The following RARA variants were observed in gnomAD, a reference collection of about 807,000 sequenced individuals.
The protein encoded by RARA is retinoic acid receptor alpha.
RARA carries 5 observed loss-of-function variants against 42.8 expected under a neutral mutation model. That is an observed-to-expected ratio of 0.12 (90% CI 0.06 to 0.25). RARA has a LOEUF of 0.25. Among genes scored for constraint, RARA ranks in the 10% least tolerant of loss-of-function variants. The probability of loss-of-function intolerance (pLI) is 1.00; values close to 1 mark genes in which losing one functional copy is unlikely to be tolerated. For synonymous variants in RARA, 256 were observed against 259.5 expected (o/e 0.99, Z 0.13); for missense variants, 402 against 628.7 (o/e 0.64, Z 3.86).
Position 40,331,062 on chromosome 17 carries a change from C to A in RARA, c.-157C>A. 1 of 843,282 alleles carries A rather than the reference C, an allele frequency of 1.2e-6. No individual in the cohort carries two copies. The highest frequency in any genetic ancestry group is 1.8e-6 in the Non-Finnish European group (1 of 562,364). 52.2% of individuals were successfully genotyped at this position (843,282 alleles called of 1,614,324 possible). A position where few individuals can be genotyped will look rare whatever the true frequency, so the allele number is the denominator to read the frequency against. On this transcript the variant is annotated 5_prime_UTR_variant, in exon 2 of 9. The change creates a new upstream start codon in the 5' untranslated region. Transcript: ENST00000254066. ...GGGGCTCCAGGAGACTGAGATTAGCCTGCCCTCTTTGGACAGCAGCTCCAG... is the reference window on the plus strand; with the variant it reads ...GGGGCTCCAGGAGACTGAGATTAGCATGCCCTCTTTGGACAGCAGCTCCAG...
chr17:40,356,802 A>G lies in RARA; in HGVS notation c.*576A>G. ...GAATTTTCATTTTAAGCACATTTAT[A>G]CTGAAGGAATTTGTGCTGTGTATTG... On this transcript the variant is annotated 3_prime_UTR_variant, in exon 9 of 9. Coordinates refer to ENST00000254066, the MANE Select transcript of RARA (RefSeq NM_000964.4). The G allele has an allele frequency of 2.2e-6, 1 of 463,868 alleles. No individual in the cohort carries two copies. The allele number at this position is 463,868 out of a possible 1,614,324, so 28.7% of individuals were successfully genotyped here. A position where few individuals can be genotyped will look rare whatever the true frequency, so the allele number is the denominator to read the frequency against.
At chr17:40,342,883 T>G in intron 2 of RARA, 1 of 1,605,796 alleles carries the variant, frequency 6.2e-7, no homozygotes, top group East Asian at 2.2e-5. Flanking sequence ...TACCGGCCTC[T>G]CAGTCTGCTG....
chr17:40,341,555 C>A, intron 2 of RARA: 1 of 1,399,624 alleles, frequency 7.1e-7, no homozygotes, highest in Non-Finnish European at 9.3e-7. Flanking sequence ...TTCGGCCGGG[C>A]AGGGGGCTGG....
chr17:40,316,163 C>T (rs1281118826), intron 1 of RARA, among the ~76,000 whole-genome samples: 1 of 152,212 alleles, frequency 6.6e-6, no homozygotes, highest in Admixed American at 6.5e-5. Flanking sequence ...GAAGGAAATG[C>T]CCCAAAGATG....
chr17:40,341,160 A>G (rs1218535005), intron 2 of RARA: 1 of 454,236 alleles, frequency 2.2e-6, no homozygotes, highest in Non-Finnish European at 3.7e-6. Flanking sequence ...GTGCATCCCG[A>G]GGGCTTCTAG....
Position 40,351,563 on chromosome 17 carries a change from G to A in RARA, c.470-347G>A. The A allele has an allele frequency of 2.1e-6, 1 of 473,982 alleles. No individual in the cohort carries two copies. The highest frequency in any genetic ancestry group is 4.3e-6 in the Non-Finnish European group (1 of 234,602). The allele number at this position is 473,982 out of a possible 1,614,324, so 29.4% of individuals were successfully genotyped here. On this transcript the variant is annotated intron_variant, in intron 4 of 8. Coordinates refer to ENST00000254066, the MANE Select transcript of RARA (RefSeq NM_000964.4). This position sits in a 1 kb window ranked among gnomAD's most constrained non-coding sequence, Gnocchi z 4.1. ...GGAGGCGGGAGAAGGACCTTCCTGG[G>A]GAAAGAGGAGGCAGAGCACCTAGGA...
In RARA at chr17:40,355,484, A is replaced by C; in HGVS notation, c.1171+63A>C. ...CACCTGGCCCAGGCCCCCACATCCA[A>C]GCCAGCACCCCATGTCTTTGTGCCA... On this transcript the variant is annotated intron_variant, in intron 8 of 8. Transcript: ENST00000254066. This position sits in a 1 kb window ranked among gnomAD's most constrained non-coding sequence, Gnocchi z 4.1. The C allele has an allele frequency of 6.5e-7, 1 of 1,539,388 alleles. No individual in the cohort carries two copies.
Position 40,331,081 on chromosome 17 carries a change from G to A in RARA, c.-138G>A. ...ATTAGCCTGCCCTCTTTGGACAGCAGCTCCAGGACAGGGCGGGTGGGCTGA... is the reference window on the plus strand; with the variant it reads ...ATTAGCCTGCCCTCTTTGGACAGCAACTCCAGGACAGGGCGGGTGGGCTGA... On this transcript the variant is annotated 5_prime_UTR_variant, in exon 2 of 9. Coordinates refer to ENST00000254066, the MANE Select transcript of RARA (RefSeq NM_000964.4). The A allele has an allele frequency of 9.9e-7, 1 of 1,013,638 alleles. No individual in the cohort carries two copies. Among genetic ancestry groups the A allele is most frequent in the Non-Finnish European group, 1.4e-6 (1 of 706,762 alleles). The allele number at this position is 1,013,638 out of a possible 1,614,324, so 62.8% of individuals were successfully genotyped here. A position where few individuals can be genotyped will look rare whatever the true frequency, so the allele number is the denominator to read the frequency against.
Position 40,342,174 on chromosome 17 carries a change from C to T in RARA, c.179-6142C>T, listed in dbSNP as rs929103328. ...GGTGGGGGGGCCGTGGCGCGTACCA[C>T]CAGAGACCGAGCGAGTCGCCAGCTG... On this transcript the variant is annotated intron_variant, in intron 2 of 8. Transcript: ENST00000254066. The T allele has an allele frequency of 3.8e-6, 4 of 1,050,008 alleles. No individual in the cohort carries two copies. The East Asian group carries it at 1.6e-4, about 42-fold the overall frequency. 65.0% of individuals were successfully genotyped at this position (1,050,008 alleles called of 1,614,324 possible). A position where few individuals can be genotyped will look rare whatever the true frequency, so the allele number is the denominator to read the frequency against.
intron 2 of RARA, among the ~76,000 whole-genome samples, chr17:40,339,151 GA>G (rs2143349312): frequency 6.6e-6 from 1 of 152,382 alleles, no homozygotes; most frequent in East Asian, 1.9e-4. Flanking sequence ...GCAAGGCTGT[GA>G]TAGTGAGGGG....
intron 2 of RARA, among the ~76,000 whole-genome samples, chr17:40,331,635 T>C (rs1347421690): frequency 6.6e-6 from 1 of 152,190 alleles, no homozygotes; most frequent in Non-Finnish European, 1.5e-5. Context: ...GAAACCATGC[T>C]GTTCTGGCCT....
chr17:40,341,904 G>C (rs372843682), intron 2 of RARA: 8 of 1,081,304 alleles, frequency 7.4e-6, no homozygotes, highest in Non-Finnish European at 9.4e-6. Flanking sequence ...TGTACTCGGC[G>C]TCCCTCTGTA....
At chr17:40,311,895 C>G (rs949566460) in intron 1 of RARA, among the ~76,000 whole-genome samples, 1 of 152,238 alleles carries the variant, frequency 6.6e-6, no homozygotes, top group Non-Finnish European at 1.5e-5. Flanking sequence ...TTGGGGGCAG[C>G]ACATGCCCAG....
At position 40,355,513 on chromosome 17, in the gene RARA, C is replaced by G; in HGVS notation, c.1171+92C>G. 5 of 1,458,154 alleles carry G rather than the reference C, an allele frequency of 3.4e-6. No homozygotes were observed. Among genetic ancestry groups the G allele is most frequent in the Non-Finnish European group, 4.6e-6 (5 of 1,084,190 alleles). The allele number at this position is 1,458,154 out of a possible 1,614,324, so 90.3% of individuals were successfully genotyped here. A position where few individuals can be genotyped will look rare whatever the true frequency, so the allele number is the denominator to read the frequency against. On this transcript the variant is annotated intron_variant, in intron 8 of 8. Coordinates refer to ENST00000254066, the MANE Select transcript of RARA (RefSeq NM_000964.4). This position sits in a 1 kb window ranked among gnomAD's most constrained non-coding sequence, Gnocchi z 4.1. ...AGCACCCCATGTCTTTGTGCCAGGA[C>G]AATACGACACCTGTCCCCATCTGTG...
At chr17:40,339,167 G>T (rs1677342211) in intron 2 of RARA, among the ~76,000 whole-genome samples, 1 of 152,234 alleles carries the variant, frequency 6.6e-6, no homozygotes, top group South Asian at 2.1e-4. Context: ...GAGGGGCAGG[G>T]TAGAGCTGGG....
rs570304786 is a variant in RARA at position 40,326,943 on chromosome 17, C to T, written c.-362-3914C>T. ...TCCCTGTTCTCTGGTCTTTCTGGCC[C>T]TTGGCCTATTTCTGTGACCTTTAGC... On this transcript the variant is annotated intron_variant, in intron 1 of 8. Coordinates refer to ENST00000254066, the MANE Select transcript of RARA (RefSeq NM_000964.4). The surrounding 1 kb of genome is among the most constrained non-coding windows in gnomAD (Gnocchi z 5.2). 5.3e-5 allele frequency among the ~76,000 whole-genome samples: 8 copies of T among 152,284 alleles called. No individual in the cohort carries two copies. The Middle Eastern group carries it at 0.02, about 388-fold the overall frequency.
intron 1 of RARA, among the ~76,000 whole-genome samples, chr17:40,321,994 G>T (rs2033402399): frequency 2.6e-5 from 4 of 152,130 alleles, no homozygotes; most frequent in Admixed American, 2.6e-4. Flanking sequence ...TTTCAGAGCT[G>T]TGCTGCCCTG....
In RARA at chr17:40,349,936, T is replaced by TA; in HGVS notation, c.469+12dup. 1.2e-6 allele frequency: 2 copies of TA among 1,613,646 alleles called. No individual in the cohort carries two copies. The highest frequency in any genetic ancestry group is 2.7e-5 in the African/African-American group (2 of 75,058). On this transcript the variant is annotated intron_variant, in intron 4 of 8. Coordinates refer to ENST00000254066, the MANE Select transcript of RARA (RefSeq NM_000964.4). Reference sequence around the variant, plus strand: ...GCATGTCCAAGGAGTGTGAGTGCCATAGGGCAGGGGCCGAGTCCCGCCTCA... The same window carrying TA: ...GCATGTCCAAGGAGTGTGAGTGCCATAAGGGCAGGGGCCGAGTCCCGCCTCA...
chr17:40,351,193 C>G lies in RARA; in HGVS notation c.470-717C>G, dbSNP rs2034432161. 6.6e-6 allele frequency among the ~76,000 whole-genome samples: 1 copy of G among 151,826 alleles called. No individual in the cohort carries two copies. The highest frequency in any genetic ancestry group is 1.9e-4 in the East Asian group (1 of 5,188). ...AATTTGCAGAATCGACATGAGTGAT[C>G]TCCAAATTATGCCAGCTACCCCCAC... On this transcript the variant is annotated intron_variant, in intron 4 of 8. Transcript: ENST00000254066. This position sits in a 1 kb window ranked among gnomAD's most constrained non-coding sequence, Gnocchi z 4.1.
Sources: allele counts gnomAD v4.1 joint callset (sites outside exome capture counted in the v4.1 genomes callset), GRCh38; gene constraint gnomAD v4.1.1; non-coding constraint Gnocchi (gnomAD v3.1); transcripts MANE v1.5; gene names NCBI Gene and HGNC (gene_info 2026-07-23, HGNC 2026-07-21).